The following DPYD variants were observed in gnomAD, a reference collection of about 807,000 sequenced individuals.
DPYD encodes dihydropyrimidine dehydrogenase.
A neutral mutation model predicts 116.2 loss-of-function variants in DPYD; 109 were observed. The ratio of observed to expected loss-of-function variants is 0.94; its 90% CI spans 0.80 to 1.10. DPYD has a LOEUF of 1.10. Among genes scored for constraint, DPYD ranks in the 50% least tolerant of loss-of-function variants. The pLI, the probability that DPYD is intolerant of heterozygous loss-of-function variation, is 0.00. For synonymous variants in DPYD, 440 were observed against 432.0 expected (o/e 1.02, Z -0.23); for missense variants, 1,302 against 1,254.5 (o/e 1.04, Z -0.57).
At position 97,852,419 on chromosome 1, in the gene DPYD, T is replaced by A. The variant is rs181449996; in HGVS notation, c.151-24223A>T. On this transcript the variant is annotated intron_variant, in intron 2 of 22. Transcript: ENST00000370192. ...TGAGGACTAGACAGTTGAAGTAACCTCCTCAACATCACAGAGCTGGTAGTT... is the reference window on the plus strand; with the variant it reads ...TGAGGACTAGACAGTTGAAGTAACCACCTCAACATCACAGAGCTGGTAGTT... 4.4e-3 allele frequency among the ~76,000 whole-genome samples: 663 copies of A among 152,236 alleles called. 2 individuals are homozygous for A. Among genetic ancestry groups the A allele is most frequent in the Non-Finnish European group, 6.8e-3 (462 of 67,982 alleles).
chr1:97,172,220 C>T (rs141126732), intron 20 of DPYD, among the ~76,000 whole-genome samples: 55 of 152,118 alleles, frequency 3.6e-4, no homozygotes, highest in African/African-American at 1.3e-3. Flanking sequence ...AAGGAGATTT[C>T]GATTTTATAA....
chr1:97,340,633 G>A (rs990205661), intron 16 of DPYD, among the ~76,000 whole-genome samples: 4 of 152,070 alleles, frequency 2.6e-5, no homozygotes, highest in Non-Finnish European at 4.4e-5. Context: ...CTGTGAGCAC[G>A]CCACTGCACT....
intron 8 of DPYD, among the ~76,000 whole-genome samples, chr1:97,628,794 T>C (rs1415716951): frequency 6.6e-6 from 1 of 152,108 alleles, no homozygotes; most frequent in Non-Finnish European, 1.5e-5. Context: ...ATGTACTACG[T>C]ACTAGTAATA....
At chr1:97,521,162 G>A (rs1043424998) in intron 12 of DPYD, among the ~76,000 whole-genome samples, 6 of 152,166 alleles carry the variant, frequency 3.9e-5, no homozygotes, top group East Asian at 3.9e-4. Context: ...TTAAGTTATC[G>A]CCATGCTAAC....
chr1:97,557,552 G>T (rs1206643894), intron 11 of DPYD, among the ~76,000 whole-genome samples: 1 of 152,064 alleles, frequency 6.6e-6, no homozygotes, highest in Non-Finnish European at 1.5e-5. Flanking sequence ...CTGACCTCAA[G>T]TGATTTACCA....
rs544483793 is a variant in DPYD, at chr1:97,864,641, A to G, written c.150+18623T>C. ...GAAGAGATGGGCAGAAGGAATACTG[A>G]ATAGTGAGGATGGCGACTCGAGAAG... On this transcript the variant is annotated intron_variant, in intron 2 of 22. Coordinates refer to ENST00000370192, the MANE Select transcript of DPYD (RefSeq NM_000110.4). Among the ~76,000 whole-genome samples the G allele has an allele frequency of 1.3e-5, 2 of 151,898 alleles. 1 individual carries two copies. Among genetic ancestry groups the G allele is most frequent in the Non-Finnish European group, 2.9e-5 (2 of 67,898 alleles).
intron 7 of DPYD, among the ~76,000 whole-genome samples, chr1:97,690,883 T>C (rs1197572189): frequency 6.6e-6 from 1 of 152,012 alleles, no homozygotes; most frequent in African/African-American, 2.4e-5. Context: ...CCACAAAATA[T>C]TTTTTTGAGT....
At chr1:97,264,124 C>T (rs1251313794) in intron 18 of DPYD, among the ~76,000 whole-genome samples, 3 of 139,684 alleles carry the variant, frequency 2.1e-5, no homozygotes, top group Non-Finnish European at 4.6e-5. Context: ...CTACAGATAG[C>T]TATGACTGCC....
At position 97,129,608 on chromosome 1, in the gene DPYD, G is replaced by T. The variant is rs572331158; in HGVS notation, c.2623-30976C>A. On this transcript the variant is annotated intron_variant, in intron 20 of 22. Transcript: ENST00000370192. The stretch of plus-strand genomic sequence containing the variant: ...TCCCCTTCATTTCCGTGGCTCTTCC[G>T]CAGGTTTCAGGCCCTTGAACTGATC... Among the ~76,000 whole-genome samples, 9 of 151,874 alleles carry T rather than the reference G, an allele frequency of 5.9e-5. 1 individual carries two copies. The highest frequency in any genetic ancestry group is 2.2e-4 in the African/African-American group (9 of 41,332).
At chr1:97,362,400 G>C (rs1447884477) in intron 16 of DPYD, among the ~76,000 whole-genome samples, 1 of 152,124 alleles carries the variant, frequency 6.6e-6, no homozygotes, top group Non-Finnish European at 1.5e-5. Flanking sequence ...TAGAATCAAT[G>C]CCATCCCCAT....
chr1:97,798,970 T>C lies in DPYD; in HGVS notation c.233+29144A>G, dbSNP rs75662420. Among the ~76,000 whole-genome samples the C allele has an allele frequency of 2.0e-3, 309 of 152,148 alleles. 5 individuals carry two copies. The East Asian group carries it at 0.037, about 18-fold the overall frequency. Reference sequence around the variant, plus strand: ...TTATGAGACTCCCATCTTCAAATTATGGAACCTTTCTGAATCTCCATTTTA... The same window carrying C: ...TTATGAGACTCCCATCTTCAAATTACGGAACCTTTCTGAATCTCCATTTTA... On this transcript the variant is annotated intron_variant, in intron 3 of 22. Coordinates refer to ENST00000370192, the MANE Select transcript of DPYD (RefSeq NM_000110.4).
At chr1:97,873,052 G>A (rs1209367174) in intron 2 of DPYD, among the ~76,000 whole-genome samples, 4 of 151,642 alleles carry the variant, frequency 2.6e-5, no homozygotes, top group Non-Finnish European at 2.9e-5. Context: ...CTGAGACCAG[G>A]CTACAGTACT....
intron 18 of DPYD, among the ~76,000 whole-genome samples, chr1:97,241,584 G>T (rs1257153898): frequency 6.6e-6 from 1 of 151,872 alleles, no homozygotes; most frequent in East Asian, 1.9e-4. Flanking sequence ...AACCATCTCT[G>T]GATTATTTTT....
At chr1:97,578,972 AAACT>A (rs1186709231) in intron 10 of DPYD, among the ~76,000 whole-genome samples, 1 of 152,230 alleles carries the variant, frequency 6.6e-6, no homozygotes, top group Non-Finnish European at 1.5e-5. Context: ...CAAAATTTAA[AAACT>A]AACAGAATTT....
intron 5 of DPYD, among the ~76,000 whole-genome samples, chr1:97,715,265 G>A (rs1336245262): frequency 6.6e-6 from 1 of 152,042 alleles, no homozygotes; most frequent in East Asian, 1.9e-4. Flanking sequence ...CAATATAACT[G>A]CATTTTCTCC....
chr1:97,640,435 C>T lies in DPYD; in HGVS notation c.850+38660G>A, dbSNP rs549278273. ...GCAGTTCTCCTGCCTCAGCCTCCTG[C>T]GTAACTGGGATTAGAGGCACTTGCT... On this transcript the variant is annotated intron_variant, in intron 8 of 22. Coordinates refer to ENST00000370192, the MANE Select transcript of DPYD (RefSeq NM_000110.4). 1.6e-4 allele frequency among the ~76,000 whole-genome samples: 25 copies of T among 151,978 alleles called. No homozygotes were observed. In the South Asian group the frequency reaches 4.8e-3, roughly 29 times the overall value.
chr1:97,799,207 ACCT>A (rs1156535569), intron 3 of DPYD, among the ~76,000 whole-genome samples: 1 of 151,882 alleles, frequency 6.6e-6, no homozygotes, highest in Non-Finnish European at 1.5e-5. Context: ...ACAGTGGTAC[ACCT>A]CCTCTAGCCC....
At chr1:97,376,803 C>T (rs1337630294) in intron 15 of DPYD, among the ~76,000 whole-genome samples, 1 of 151,630 alleles carries the variant, frequency 6.6e-6, no homozygotes, top group East Asian at 1.9e-4. Context: ...AGGAAATACA[C>T]TGTTACTAAT....
chr1:97,870,288 C>T (rs1183273250), intron 2 of DPYD, among the ~76,000 whole-genome samples: 1 of 151,750 alleles, frequency 6.6e-6, no homozygotes, highest in Non-Finnish European at 1.5e-5. Flanking sequence ...GGGTATAACA[C>T]ATTTTTTTTG....
Sources: allele counts gnomAD v4.1 joint callset (sites outside exome capture counted in the v4.1 genomes callset), GRCh38; gene constraint gnomAD v4.1.1; transcripts MANE v1.5; gene names NCBI Gene and HGNC (gene_info 2026-07-23, HGNC 2026-07-21).